Variants in KYAT3 observed in about 807,000 individuals in gnomAD.
KYAT3 encodes the protein kynurenine--oxoglutarate transaminase 3.
Under a neutral mutation model 59.0 loss-of-function variants are expected in KYAT3, and 50 were observed. That is an observed-to-expected ratio of 0.85 (90% CI 0.68 to 1.07). KYAT3 has a LOEUF of 1.07. Ranked by LOEUF, KYAT3 falls within the 50% of genes least tolerant of loss-of-function variation. The pLI is 0.00. For missense variants in KYAT3, 497 were observed against 533.3 expected, an observed-to-expected ratio of 0.93 and a Z score of 0.67; for synonymous variants, 148 against 177.0, an observed-to-expected ratio of 0.84 and a Z score of 1.30.
rs111963274 is a variant in KYAT3, at chr1:88,938,811, A to G, written c.1303-2566T>C. On this transcript the variant is annotated intron_variant, in intron 13 of 13. Coordinates refer to ENST00000260508, the MANE Select transcript of KYAT3 (RefSeq NM_001008661.3). ...ATTGATGGGCATTTAGGTTGATCTGAATGTAGCATCATTTATTCAAGCAGC... is the reference window on the plus strand; with the variant it reads ...ATTGATGGGCATTTAGGTTGATCTGGATGTAGCATCATTTATTCAAGCAGC... Among the ~76,000 whole-genome samples the G allele has an allele frequency of 2.9e-3, 441 of 152,330 alleles. 1 individual carries two copies. The highest frequency in any genetic ancestry group is 0.01 in the African/African-American group (429 of 41,570).
the KYAT3 span, among the ~76,000 whole-genome samples, chr1:88,922,686 G>A: frequency 6.6e-6 from 1 of 152,068 alleles, no homozygotes; most frequent in Non-Finnish European, 1.5e-5. Flanking sequence ...CATAAAACCG[G>A]TCCCTGGTGC....
At position 88,968,796 on chromosome 1, in the gene KYAT3, C is replaced by T. The variant is rs776913001; in HGVS notation, c.177G>A (p.Leu59=). The T allele has an allele frequency of 1.3e-6, 2 of 1,582,460 alleles. No homozygotes were observed. Among genetic ancestry groups the T allele is most frequent in the Non-Finnish European group, 1.7e-6 (2 of 1,171,578 alleles). Residue 59 remains leucine (L), a synonymous_variant, in exon 4 of 14, where the codon TTG becomes TTA. Transcript: ENST00000260508. ...GATTCACAACAGAAGGGTCTGCAGC[C>T]AATTTGGTAAATTCAATCCTAAGAT... The part of the protein sequence containing the change: ...DSNVWIEFTK[L]AADPSVVNLG...
chr1:88,982,778 G>A (rs1557705433), intron 2 of KYAT3: 1 of 1,613,964 alleles, frequency 6.2e-7, no homozygotes, highest in East Asian at 2.2e-5. Flanking sequence ...TTCTACAGAA[G>A]GGGGAAGCCC....
At chr1:88,971,654 G>A (rs1332215958) in intron 2 of KYAT3, among the ~76,000 whole-genome samples, 1 of 152,058 alleles carries the variant, frequency 6.6e-6, no homozygotes, top group East Asian at 1.9e-4. Flanking sequence ...TTCTCCTGGG[G>A]GAGATCATGC....
chr1:88,952,978 A>T, intron 10 of KYAT3, 85 bp downstream of exon 10: 1 of 831,682 alleles, frequency 1.2e-6, no homozygotes, highest in Non-Finnish European at 2.0e-6. Context: ...ATAGAAGGAG[A>T]ATTAAGTCAA....
At chr1:88,988,490 T>C (rs1677603117) in intron 1 of KYAT3, 139 bp from the exon 2 acceptor site, 1 of 507,484 alleles carries the variant, frequency 2.0e-6, no homozygotes, top group South Asian at 3.7e-5. Context: ...TTTGCTTTCT[T>C]TCAAGTTTTC....
At chr1:88,943,510 T>C in intron 11 of KYAT3, 87 bp from the exon 12 acceptor site, 2 of 749,126 alleles carry the variant, frequency 2.7e-6, no homozygotes, top group Middle Eastern at 2.4e-4. Context: ...TTCAACATTT[T>C]CTCCTATTTA....
At chr1:88,964,338 C>A (rs1676258524) in intron 5 of KYAT3, among the ~76,000 whole-genome samples, 1 of 152,162 alleles carries the variant, frequency 6.6e-6, no homozygotes, top group South Asian at 2.1e-4. Context: ...ACAAAAGATT[C>A]TTTTTCCCTG....
At chr1:88,958,491 A>G (rs906456215) in intron 8 of KYAT3, among the ~76,000 whole-genome samples, 3 of 152,196 alleles carry the variant, frequency 2.0e-5, no homozygotes, top group South Asian at 2.1e-4. Context: ...AATAGTTCTC[A>G]AAGTAAGCTC....
At chr1:88,926,139 A>G in the KYAT3 span, among the ~76,000 whole-genome samples, 1 of 152,254 alleles carries the variant, frequency 6.6e-6, no homozygotes, top group Non-Finnish European at 1.5e-5. Context: ...AACTATCGTA[A>G]GTCAAAAAAG....
intron 9 of KYAT3, among the ~76,000 whole-genome samples, chr1:88,954,083 G>A (rs1380360107): frequency 6.6e-6 from 1 of 151,748 alleles, no homozygotes; most frequent in Non-Finnish European, 1.5e-5. Flanking sequence ...TTTGTATTTA[G>A]TAGAGATGGG....
chr1:88,983,931 TAG>T, intron 2 of KYAT3: 1 of 1,204,156 alleles, frequency 8.3e-7, no homozygotes, highest in South Asian at 1.3e-5. Flanking sequence ...GGCTGTCAGT[TAG>T]GAGGACTGAA....
At chr1:88,967,888 T>C (rs1220336426) in intron 4 of KYAT3, among the ~76,000 whole-genome samples, 1 of 152,168 alleles carries the variant, frequency 6.6e-6, no homozygotes, top group Admixed American at 6.5e-5. Flanking sequence ...AGCCTTTCAT[T>C]ATGGATTTGT....
intron 4 of KYAT3, among the ~76,000 whole-genome samples, chr1:88,968,065 A>G (rs572604517): frequency 2.0e-4 from 30 of 152,272 alleles, no homozygotes; most frequent in African/African-American, 6.7e-4. Context: ...AAACCCTTCT[A>G]TGGATTTTTA....
At chr1:88,926,337 G>T in the KYAT3 span, among the ~76,000 whole-genome samples, 1 of 152,142 alleles carries the variant, frequency 6.6e-6, no homozygotes, top group Non-Finnish European at 1.5e-5. Flanking sequence ...CAGGACACAG[G>T]GTCTCGCTCT....
chr1:88,931,152 T>C (rs938948898), downstream of KYAT3, among the ~76,000 whole-genome samples: 9 of 152,126 alleles, frequency 5.9e-5, no homozygotes, highest in Admixed American at 5.9e-4. Context: ...TAGGCATTGA[T>C]AGCACCCATC....
intron 5 of KYAT3, among the ~76,000 whole-genome samples, chr1:88,963,530 G>A (rs1676228834): frequency 6.6e-6 from 1 of 152,178 alleles, no homozygotes; most frequent in Non-Finnish European, 1.5e-5. Context: ...TAACAATATA[G>A]ATCAGGATAA....
At chr1:88,936,738 T>C (rs1398698314) in intron 13 of KYAT3, among the ~76,000 whole-genome samples, 1 of 152,246 alleles carries the variant, frequency 6.6e-6, no homozygotes, top group East Asian at 1.9e-4. Context: ...TATTGAAAAA[T>C]AGTTTATTTT....
chr1:88,946,612 T>A (rs1050540275), intron 11 of KYAT3, among the ~76,000 whole-genome samples: 2 of 152,226 alleles, frequency 1.3e-5, no homozygotes, highest in African/African-American at 4.8e-5. Flanking sequence ...CATATGGAAA[T>A]CTTGGGGATT....
Sources: allele counts gnomAD v4.1 joint callset (sites outside exome capture counted in the v4.1 genomes callset), GRCh38; gene constraint gnomAD v4.1.1; transcripts MANE v1.5; gene names NCBI Gene and HGNC (gene_info 2026-07-23, HGNC 2026-07-21).